SPAG17: variants seen among roughly 807,000 people sequenced by gnomAD.
SPAG17 encodes the protein sperm associated antigen 17, also known as sperm-associated antigen 17.
In SPAG17, 169 loss-of-function variants were observed where a neutral mutation model predicts 273.6. The ratio of observed to expected loss-of-function variants is 0.62; its 90% confidence interval spans 0.55 to 0.70. The LOEUF is 0.70. Ranked by LOEUF, SPAG17 falls within the 30% of genes least tolerant of loss-of-function variation. SPAG17 has a pLI of 0.00. For missense variants in SPAG17, 2,557 were observed against 2,627.8 expected (o/e 0.97, Z 0.59); for synonymous variants, 825 against 873.2 (o/e 0.94, Z 0.97).
At chr1:118,105,298 C>T (rs1042623555) in intron 4 of SPAG17, among the ~76,000 whole-genome samples, 8 of 151,996 alleles carry the variant, frequency 5.3e-5, no homozygotes, top group Non-Finnish European at 1.0e-4. Context: ...GCAAGCTTAC[C>T]GAGGTAATAT....
chr1:118,128,812 G>A (rs566686518), intron 3 of SPAG17, among the ~76,000 whole-genome samples: 14 of 152,288 alleles, frequency 9.2e-5, no homozygotes, highest in South Asian at 2.1e-4. Flanking sequence ...TCCTTCATAG[G>A]AGAATCTGAC....
chr1:118,104,640 A>G (rs966387107), intron 4 of SPAG17, among the ~76,000 whole-genome samples: 1 of 152,250 alleles, frequency 6.6e-6, no homozygotes, highest in African/African-American at 2.4e-5. Flanking sequence ...GCCAGCAGAA[A>G]GAGACAGCGA....
chr1:118,090,594 C>T (rs1413241964), intron 10 of SPAG17, among the ~76,000 whole-genome samples: 1 of 152,048 alleles, frequency 6.6e-6, no homozygotes, highest in Non-Finnish European at 1.5e-5. Flanking sequence ...ATGGAAATGA[C>T]AGAGATGAGC....
intron 28 of SPAG17, among the ~76,000 whole-genome samples, chr1:118,019,138 G>C (rs552607748): frequency 6.6e-6 from 1 of 150,588 alleles, no homozygotes; most frequent in Non-Finnish European, 1.5e-5. Flanking sequence ...GAGACACAAT[G>C]AAACAAGGCA....
intron 1 of SPAG17, among the ~76,000 whole-genome samples, chr1:118,179,604 A>G (rs1459807297): frequency 1.3e-5 from 2 of 152,094 alleles, no homozygotes; most frequent in Non-Finnish European, 2.9e-5. Context: ...GATCATATCA[A>G]GTTAAAAAGC....
chr1:118,108,851 G>A (rs1312520808), intron 4 of SPAG17, among the ~76,000 whole-genome samples: 1 of 151,972 alleles, frequency 6.6e-6, no homozygotes, highest in Non-Finnish European at 1.5e-5. Flanking sequence ...CAAAAAAAGT[G>A]TTGGCATTTC....
intron 18 of SPAG17, among the ~76,000 whole-genome samples, chr1:118,064,853 A>C (rs970422563): frequency 2.6e-5 from 4 of 151,974 alleles, no homozygotes; most frequent in Non-Finnish European, 4.4e-5. Flanking sequence ...ATTTGGCCTT[A>C]AATGCTAATA....
At chr1:118,035,110 T>C (rs1194483606) in intron 24 of SPAG17, among the ~76,000 whole-genome samples, 2 of 152,150 alleles carry the variant, frequency 1.3e-5, no homozygotes, top group East Asian at 3.9e-4. Flanking sequence ...TATATATGAA[T>C]CCTTAGGAAA....
At chr1:117,980,216 C>A (rs1325335848) in intron 43 of SPAG17, among the ~76,000 whole-genome samples, 1 of 151,868 alleles carries the variant, frequency 6.6e-6, no homozygotes, top group Admixed American at 6.6e-5. Context: ...TGGGGTAAAT[C>A]TTTTTTTTCT....
intron 3 of SPAG17, among the ~76,000 whole-genome samples, chr1:118,133,198 C>G (rs1480633153): frequency 6.6e-6 from 1 of 151,998 alleles, no homozygotes; most frequent in Non-Finnish European, 1.5e-5. Context: ...AGCACAAGTG[C>G]TCAAAAATGA....
At chr1:118,064,366 G>C (rs1652707856) in intron 18 of SPAG17, among the ~76,000 whole-genome samples, 1 of 151,542 alleles carries the variant, frequency 6.6e-6, no homozygotes, top group African/African-American at 2.4e-5. Flanking sequence ...ACTGGATTAA[G>C]AAAATGTGGC....
At position 118,041,837 on chromosome 1, in the gene SPAG17, G is replaced by C. The variant is rs71670818; in HGVS notation, c.3020C>G (p.Ser1007Cys). The change falls in exon 21 of 49, where the codon TCC (serine) becomes TGC (cysteine). Residue 1007 changes from serine (S) to cysteine (C), a missense_variant. Transcript: ENST00000336338. Reference sequence around the variant, plus strand: ...TATCTTAGGTTCTGGTTGGTGGGGGGACTCTTCTGTTACTTCTTGGATCTT... The same window carrying C: ...TATCTTAGGTTCTGGTTGGTGGGGGCACTCTTCTGTTACTTCTTGGATCTT... Reference protein sequence around the residue: ...QVKIQEVTEESPHQPEPKITY... With the variant: ...QVKIQEVTEECPHQPEPKITY... 8.1e-5 allele frequency: 130 copies of C among 1,613,568 alleles called. No homozygotes were observed. The highest frequency in any genetic ancestry group is 2.0e-4 in the East Asian group (9 of 44,858).
chr1:118,062,286 G>A (rs1304941204), intron 18 of SPAG17, among the ~76,000 whole-genome samples: 2 of 145,478 alleles, frequency 1.4e-5, no homozygotes, highest in African/African-American at 5.1e-5. Context: ...AGAATGGCAC[G>A]AACCCGGGAG....
At chr1:118,021,713 T>G (rs186827667) in intron 28 of SPAG17, among the ~76,000 whole-genome samples, 151 of 152,190 alleles carry the variant, frequency 9.9e-4, no homozygotes, top group African/African-American at 3.6e-3. Flanking sequence ...GTCTATTAAT[T>G]TAAAAAGTGA....
At chr1:118,089,564 A>G (rs1193658734) in intron 10 of SPAG17, among the ~76,000 whole-genome samples, 5 of 152,198 alleles carry the variant, frequency 3.3e-5, no homozygotes, top group African/African-American at 9.7e-5. Context: ...AACAGCTGCT[A>G]GAAAGAAAAG....
chr1:118,185,024 T>C (rs1268659088), intron 1 of SPAG17, 47 bp downstream of exon 1: 12 of 1,536,842 alleles, frequency 7.8e-6, no homozygotes, highest in Non-Finnish European at 1.1e-5. Flanking sequence ...TGGCCGGGCC[T>C]CTGGCATTGC....
intron 35 of SPAG17, among the ~76,000 whole-genome samples, chr1:117,993,861 A>AT (rs1657370047): frequency 6.6e-6 from 1 of 152,230 alleles, no homozygotes; most frequent in African/African-American, 2.4e-5. Context: ...AAGATATTTT[A>AT]TTTTTTTAAA....
At chr1:118,086,609 T>C (rs1655013863) in intron 12 of SPAG17, 62 bp downstream of exon 12, 2 of 1,393,750 alleles carry the variant, frequency 1.4e-6, no homozygotes, top group Middle Eastern at 1.8e-4. Context: ...TTCTTTCAAC[T>C]GAATAGTTAT....
intron 4 of SPAG17, among the ~76,000 whole-genome samples, chr1:118,111,385 G>A (rs1258175898): frequency 6.6e-6 from 1 of 152,080 alleles, no homozygotes; most frequent in Non-Finnish European, 1.5e-5. Context: ...TCCAGTTAGT[G>A]AGGCAAGTTA....
Sources: gnomAD v4.1 joint callset for allele counts (sites outside exome capture counted in the v4.1 genomes callset) on GRCh38, gnomAD v4.1.1 for gene constraint, MANE v1.5 for transcripts, NCBI Gene and HGNC (gene_info 2026-07-23, HGNC 2026-07-21) for gene names.